The following CHRM2 variants were observed in gnomAD, a reference collection of about 807,000 sequenced individuals.
CHRM2 encodes muscarinic acetylcholine receptor M2.
Under a neutral mutation model 25.0 loss-of-function variants are expected in CHRM2, and 8 were observed. The observed-to-expected ratio is 0.32, with a 90% CI of 0.19 to 0.58. The LOEUF (loss-of-function observed/expected upper bound fraction) is 0.58. CHRM2 is among the 20% of genes least tolerant of loss of function. CHRM2 has a pLI of 0.88. For synonymous variants in CHRM2, 202 were observed against 205.7 expected (o/e 0.98, Z 0.15); for missense variants, 440 against 567.1 (o/e 0.78, Z 2.28).
At chr7:137,011,439 G>T (rs77545899) in intron 3 of CHRM2, among the ~76,000 whole-genome samples, 1 of 151,578 alleles carries the variant, frequency 6.6e-6, no homozygotes, top group Non-Finnish European at 1.5e-5. Flanking sequence ...TTCAAAGCCC[G>T]GTCTGCCTGG....
chr7:136,944,357 G>A (rs201752458), intron 2 of CHRM2, among the ~76,000 whole-genome samples: 792 of 57,936 alleles, frequency 0.014, 10 homozygotes, highest in African/African-American at 0.094. Context: ...TTTCACTCTC[G>A]AGTTATTTCA....
chr7:136,969,969 C>T lies in CHRM2; in HGVS notation c.-124-22218C>T, dbSNP rs185705085. 1.9e-3 allele frequency among the ~76,000 whole-genome samples: 290 copies of T among 152,234 alleles called. 1 individual carries two copies. Among genetic ancestry groups the T allele is most frequent in the African/African-American group, 6.1e-3 (252 of 41,538 alleles). On this transcript the variant is annotated intron_variant, in intron 2 of 3. Coordinates refer to ENST00000680005, the MANE Select transcript of CHRM2 (RefSeq NM_001006630.2). ...GCCAATTCAGTTCCTGGTGAGGGCT[C>T]GTCCTGGCTTGTAGAAGGCTGGCTT...
chr7:136,913,159 C>T (rs1447738355), intron 2 of CHRM2, among the ~76,000 whole-genome samples: 8 of 151,844 alleles, frequency 5.3e-5, no homozygotes, highest in Non-Finnish European at 8.8e-5. Flanking sequence ...TATTAAATAC[C>T]TATCCAAATG....
At chr7:136,891,184 T>G (rs1796676380) in intron 2 of CHRM2, among the ~76,000 whole-genome samples, 1 of 152,232 alleles carries the variant, frequency 6.6e-6, no homozygotes, top group Admixed American at 6.5e-5. Flanking sequence ...TACTGAAACA[T>G]TAACTAAAGT....
At chr7:136,983,576 A>G (rs1584874925) in intron 2 of CHRM2, among the ~76,000 whole-genome samples, 1 of 152,072 alleles carries the variant, frequency 6.6e-6, no homozygotes, top group East Asian at 1.9e-4. Context: ...GGATTTATCT[A>G]CCTTTGGTTT....
At chr7:136,915,565 T>G (rs898208292) in intron 2 of CHRM2, among the ~76,000 whole-genome samples, 1 of 151,854 alleles carries the variant, frequency 6.6e-6, no homozygotes, top group Non-Finnish European at 1.5e-5. Context: ...TATAGGGAGA[T>G]TGAAGAATCT....
intron 2 of CHRM2, among the ~76,000 whole-genome samples, chr7:136,931,608 T>A (rs556056192): frequency 1.3e-5 from 2 of 152,236 alleles, no homozygotes; most frequent in East Asian, 1.9e-4. Context: ...AATCCAAAGA[T>A]CCTTTCAAAA....
chr7:136,878,181 G>A (rs1222388464), intron 2 of CHRM2, among the ~76,000 whole-genome samples: 1 of 151,946 alleles, frequency 6.6e-6, no homozygotes, highest in Non-Finnish European at 1.5e-5. Flanking sequence ...GAGAGCATCA[G>A]GGCATTTGGT....
At chr7:136,913,180 A>G (rs1237276388) in intron 2 of CHRM2, among the ~76,000 whole-genome samples, 1 of 151,984 alleles carries the variant, frequency 6.6e-6, no homozygotes, top group Non-Finnish European at 1.5e-5. Flanking sequence ...CTTTCATAAT[A>G]TAAAACAGAT....
intron 2 of CHRM2, among the ~76,000 whole-genome samples, chr7:136,934,451 A>G (rs1483227623): frequency 6.6e-6 from 1 of 152,050 alleles, no homozygotes; most frequent in African/African-American, 2.4e-5. Flanking sequence ...TTAGCCCTAT[A>G]CTCCAAATAA....
At chr7:136,912,910 A>C (rs2130693816) in intron 2 of CHRM2, among the ~76,000 whole-genome samples, 1 of 152,070 alleles carries the variant, frequency 6.6e-6, no homozygotes, top group East Asian at 1.9e-4. Context: ...ATACCAACTA[A>C]GTGAGATAAT....
intron 2 of CHRM2, among the ~76,000 whole-genome samples, chr7:136,959,405 A>G (rs551494505): frequency 6.6e-6 from 1 of 152,342 alleles, no homozygotes; most frequent in South Asian, 2.1e-4. Context: ...GTGGATACCA[A>G]CATCTGGTTC....
At chr7:137,011,215 G>GTATA (rs71176365) in intron 3 of CHRM2, among the ~76,000 whole-genome samples, 7 of 134,336 alleles carry the variant, frequency 5.2e-5, no homozygotes, top group East Asian at 2.0e-4. Flanking sequence ...GTGTGTGTGT[G>GTATA]TATATATATA....
intron 2 of CHRM2, among the ~76,000 whole-genome samples, chr7:136,943,417 A>G (rs901989225): frequency 1.3e-5 from 2 of 152,242 alleles, no homozygotes; most frequent in African/African-American, 4.8e-5. Flanking sequence ...AAACAGAATA[A>G]TAGGAACATA....
rs763447557 is a variant in CHRM2 at position 137,015,348 on chromosome 7, C to T, written c.483C>T (p.Phe161=). ...SFILWAPAIL[F]WQFIVGVRTV... The stretch of plus-strand genomic sequence containing the variant: ...TCCTCTGGGCTCCAGCCATTCTCTT[C>T]TGGCAGTTCATTGTAGGGGTGAGAA... Residue 161 remains phenylalanine, a synonymous_variant, in exon 4 of 4, where the codon TTC becomes TTT. Coordinates refer to ENST00000680005, the MANE Select transcript of CHRM2 (RefSeq NM_001006630.2). This position sits in a 1 kb window ranked among gnomAD's most constrained non-coding sequence, Gnocchi z 5.1. The T allele has an allele frequency of 5.6e-6, 9 of 1,613,468 alleles. No homozygotes were observed. Among genetic ancestry groups the T allele is most frequent in the Non-Finnish European group, 7.6e-6 (9 of 1,179,636 alleles).
chr7:136,974,970 T>C (rs748247139), intron 2 of CHRM2, among the ~76,000 whole-genome samples: 22 of 152,174 alleles, frequency 1.4e-4, no homozygotes, highest in Non-Finnish European at 3.2e-4. Flanking sequence ...AGAAATAGTA[T>C]GTTATGGGAT....
intron 2 of CHRM2, among the ~76,000 whole-genome samples, chr7:136,954,689 A>G (rs6943656): frequency 0.14 from 20,938 of 152,168 alleles, 1,989 homozygotes; most frequent in East Asian, 0.4. Context: ...CACTGGATGT[A>G]TTTTATTCTC....
At chr7:136,925,054 G>A (rs1397262028) in intron 2 of CHRM2, among the ~76,000 whole-genome samples, 2 of 152,058 alleles carry the variant, frequency 1.3e-5, no homozygotes, top group African/African-American at 2.4e-5. Context: ...AATAATATAA[G>A]CTATGATCCT....
intron 2 of CHRM2, among the ~76,000 whole-genome samples, chr7:136,965,918 G>C (rs1431011409): frequency 6.6e-6 from 1 of 151,976 alleles, no homozygotes; most frequent in Admixed American, 6.6e-5. Flanking sequence ...AAAGCCAAGA[G>C]TGTGGCAGAA....
Sources: gnomAD v4.1 joint callset for allele counts (sites outside exome capture counted in the v4.1 genomes callset) on GRCh38, gnomAD v4.1.1 for gene constraint, Gnocchi (gnomAD v3.1) non-coding constraint, MANE v1.5 for transcripts, NCBI Gene and HGNC (gene_info 2026-07-23, HGNC 2026-07-21) for gene names.